Variants in FABP12 observed in about 807,000 individuals in gnomAD.
FABP12 encodes the protein fatty acid binding protein 12.
In FABP12, 19 loss-of-function variants were observed where a neutral mutation model predicts 13.7. That is an observed-to-expected ratio of 1.39 (90% CI 0.97 to 2.04). The LOEUF is 2.04. FABP12 is among the 30% of genes most tolerant of loss of function. FABP12 has a pLI of 0.00. For missense variants in FABP12, 182 were observed against 164.2 expected, an observed-to-expected ratio of 1.11 and a Z score of -0.59; for synonymous variants, 61 against 57.0, an observed-to-expected ratio of 1.07 and a Z score of -0.32.
At chr8:81,569,131 A>C (rs374304727) in intron 1 of FABP12, among the ~76,000 whole-genome samples, 4 of 152,224 alleles carry the variant, frequency 2.6e-5, no homozygotes, top group South Asian at 2.1e-4. Context: ...AACACACACA[A>C]AAAATAAATG....
chr8:81,560,495 G>T (rs1200926955), intron 1 of FABP12, among the ~76,000 whole-genome samples: 4 of 151,980 alleles, frequency 2.6e-5, no homozygotes, highest in Non-Finnish European at 5.9e-5. Context: ...CCTCAAAAAA[G>T]GTTGTTTTAC....
intron 1 of FABP12, among the ~76,000 whole-genome samples, chr8:81,563,971 A>G (rs1809772531): frequency 6.6e-6 from 1 of 152,164 alleles, no homozygotes; most frequent in African/African-American, 2.4e-5. Flanking sequence ...TAACCCAAAT[A>G]TGACTACCTC....
chr8:81,531,438 G>T, intron 1 of FABP12, 48 bp from the exon 2 acceptor site: 1 of 621,854 alleles, frequency 1.6e-6, no homozygotes, highest in Non-Finnish European at 2.8e-6. Context: ...AGAAAAGTTA[G>T]GAAATAAAAT....
intron 1 of FABP12, among the ~76,000 whole-genome samples, chr8:81,546,497 C>CA (rs544166796): frequency 0.16 from 17,665 of 111,628 alleles, 1,126 homozygotes; most frequent in African/African-American, 0.17. Flanking sequence ...ACTAAAAATA[C>CA]AAAAAAAAAA....
intron 1 of FABP12, among the ~76,000 whole-genome samples, chr8:81,578,377 A>G (rs1810089275): frequency 6.6e-6 from 1 of 152,234 alleles, no homozygotes; most frequent in African/African-American, 2.4e-5. Context: ...TGTTTCAAGT[A>G]GTCTGCAGGC....
chr8:81,569,335 G>A (rs538143503), intron 1 of FABP12, among the ~76,000 whole-genome samples: 5 of 152,222 alleles, frequency 3.3e-5, no homozygotes, highest in South Asian at 2.1e-4. Flanking sequence ...CCATCAAACC[G>A]GTTTTTCACA....
At chr8:81,554,250 C>T (rs7824133) in intron 1 of FABP12, among the ~76,000 whole-genome samples, 7,909 of 152,096 alleles carry the variant, frequency 0.052, 243 homozygotes, top group South Asian at 0.1. Context: ...CTGTATTTTC[C>T]GACTGGATAT....
chr8:81,581,361 G>C lies in FABP12; in HGVS notation c.-185+8692C>G, dbSNP rs545760414. Among the ~76,000 whole-genome samples, 8 of 152,284 alleles carry C rather than the reference G, an allele frequency of 5.3e-5. No homozygotes were observed. The South Asian group carries it at 1.7e-3, about 32-fold the overall frequency. On this transcript the variant is annotated intron_variant, in intron 1 of 5. Coordinates refer to the FABP12 transcript ENST00000692030. ...TCCAAAAGTCTGGTTTGACCCTCAG[G>C]AAGGGGAAGGAATTCCCTACCCATG...
intron 1 of FABP12, among the ~76,000 whole-genome samples, chr8:81,582,424 G>A (rs1810179729): frequency 6.6e-6 from 1 of 151,896 alleles, no homozygotes; most frequent in Non-Finnish European, 1.5e-5. Context: ...CCCAGCCCTG[G>A]ATTTTTTAGT....
In FABP12 at chr8:81,548,263, A is replaced by G. The variant is rs566935377; in HGVS notation, c.-184-8520T>C. On this transcript the variant is annotated intron_variant, in intron 1 of 5. Coordinates refer to the FABP12 transcript ENST00000692030. ...TTCTAAAGTGAATCCAGGGCTGAGA[A>G]TCTTTTCATGTATTAGATTATGCTG... 4.6e-5 allele frequency among the ~76,000 whole-genome samples: 7 copies of G among 152,304 alleles called. No homozygotes were observed. The South Asian group carries it at 1.5e-3, about 32-fold the overall frequency.
chr8:81,563,129 G>GC (rs1809753037), intron 1 of FABP12, among the ~76,000 whole-genome samples: 1 of 152,194 alleles, frequency 6.6e-6, no homozygotes, highest in Admixed American at 6.5e-5. Flanking sequence ...ACCAGTCTCT[G>GC]CCTGTTAATC....
At chr8:81,544,746 A>C (rs192499361) in intron 1 of FABP12, among the ~76,000 whole-genome samples, 4 of 152,260 alleles carry the variant, frequency 2.6e-5, no homozygotes, top group African/African-American at 9.6e-5. Context: ...GATGAATAAG[A>C]CCCAATCCCA....
chr8:81,546,308 C>T (rs1025823882), intron 1 of FABP12, among the ~76,000 whole-genome samples: 4 of 152,118 alleles, frequency 2.6e-5, no homozygotes, highest in Non-Finnish European at 5.9e-5. Flanking sequence ...AAATGCAGCA[C>T]CAGAGTTTAG....
chr8:81,537,694 G>A (rs1299539640), upstream of FABP12, among the ~76,000 whole-genome samples: 7 of 152,116 alleles, frequency 4.6e-5, no homozygotes, highest in Non-Finnish European at 7.4e-5. Flanking sequence ...AAGAACATCG[G>A]GAAACTTGGC....
chr8:81,536,193 G>A (rs1050049266), upstream of FABP12, among the ~76,000 whole-genome samples: 3 of 152,152 alleles, frequency 2.0e-5, no homozygotes, highest in Non-Finnish European at 4.4e-5. Flanking sequence ...AACTCTTAAT[G>A]ATGCTGTGGC....
In FABP12 at chr8:81,547,704, C is replaced by T. The variant is rs149350665; in HGVS notation, c.-184-7961G>A. Among the ~76,000 whole-genome samples, 502 of 152,300 alleles carry T rather than the reference C, an allele frequency of 3.3e-3. 1 individual carries two copies. The Middle Eastern group carries it at 0.048, about 14-fold the overall frequency. Reference sequence around the variant, plus strand: ...TTTCATAACTCATTCATTCAATACACATTTCACGTGTATTAAGTTTTTGTG... The same window carrying T: ...TTTCATAACTCATTCATTCAATACATATTTCACGTGTATTAAGTTTTTGTG... On this transcript the variant is annotated intron_variant, in intron 1 of 5. Coordinates refer to the FABP12 transcript ENST00000692030.
chr8:81,553,311 C>T (rs2130020053), intron 1 of FABP12, among the ~76,000 whole-genome samples: 1 of 152,252 alleles, frequency 6.6e-6, no homozygotes, highest in East Asian at 1.9e-4. Context: ...CCCTTGGTGT[C>T]TAAAATGTAT....
chr8:81,536,760 T>A (rs2032509359), upstream of FABP12, among the ~76,000 whole-genome samples: 1 of 152,232 alleles, frequency 6.6e-6, no homozygotes. Flanking sequence ...GATCAGGGGT[T>A]GGCAAACTAT....
intron 1 of FABP12, among the ~76,000 whole-genome samples, chr8:81,532,173 A>G (rs1809092515): frequency 6.6e-6 from 1 of 152,236 alleles, no homozygotes; most frequent in South Asian, 2.1e-4. Flanking sequence ...CAGCAAATCC[A>G]TCAGCTAGAG....
Sources: allele counts gnomAD v4.1 joint callset (sites outside exome capture counted in the v4.1 genomes callset), GRCh38; gene constraint gnomAD v4.1.1; transcripts MANE v1.5; gene names NCBI Gene and HGNC (gene_info 2026-07-23, HGNC 2026-07-21).